CNTNAP4: variants seen among roughly 807,000 people sequenced by gnomAD.
CNTNAP4 encodes contactin-associated protein-like 4.
In CNTNAP4, 98 loss-of-function variants were observed where a neutral mutation model predicts 148.4. That is an observed-to-expected ratio of 0.66 (90% CI 0.56 to 0.78). The LOEUF (loss-of-function observed/expected upper bound fraction) is 0.78. CNTNAP4 is among the 30% of genes least tolerant of loss of function. The pLI is 0.00. For missense variants in CNTNAP4, 1,935 were observed against 1,565.6 expected, an observed-to-expected ratio of 1.24 and a Z score of -3.98; for synonymous variants, 730 against 565.1, an observed-to-expected ratio of 1.29 and a Z score of -4.14.
At chr16:76,408,231 C>G (rs1018994009) in intron 3 of CNTNAP4, among the ~76,000 whole-genome samples, 1 of 151,210 alleles carries the variant, frequency 6.6e-6, no homozygotes, top group Non-Finnish European at 1.5e-5. Context: ...AGTCTGGAAC[C>G]GAATCCACAG....
intron 3 of CNTNAP4, among the ~76,000 whole-genome samples, chr16:76,377,435 A>G (rs986522433): frequency 6.6e-6 from 1 of 152,124 alleles, no homozygotes; most frequent in Non-Finnish European, 1.5e-5. Context: ...AGTCGGAAAG[A>G]TTCAGTGGTC....
At position 76,384,278 on chromosome 16, in the gene CNTNAP4, G is replaced by C. The variant is rs1275378933; in HGVS notation, c.390+28767G>C. On this transcript the variant is annotated intron_variant, in intron 3 of 23. Transcript: ENST00000611870. The stretch of plus-strand genomic sequence containing the variant: ...AGGTTGGTCTTGAAATCCTGACCTT[G>C]TGATCCACCCACCTCGGCCTCCCAA... 2.0e-5 allele frequency among the ~76,000 whole-genome samples: 3 copies of C among 152,056 alleles called. No individual in the cohort carries two copies. The South Asian group carries it at 6.2e-4, about 31-fold the overall frequency.
chr16:76,458,837 A>C (rs1803760472), intron 8 of CNTNAP4, among the ~76,000 whole-genome samples: 1 of 152,234 alleles, frequency 6.6e-6, no homozygotes, highest in Non-Finnish European at 1.5e-5. Flanking sequence ...GTATAGACCC[A>C]GTAATGGGAT....
intron 1 of CNTNAP4, among the ~76,000 whole-genome samples, chr16:76,303,086 T>A (rs193300037): frequency 8.6e-4 from 131 of 152,304 alleles, no homozygotes; most frequent in Non-Finnish European, 1.4e-3. Flanking sequence ...CCAGCCAAAC[T>A]TTTTCCTTGC....
At chr16:76,343,555 G>C (rs1397575814) in intron 2 of CNTNAP4, among the ~76,000 whole-genome samples, 1 of 151,958 alleles carries the variant, frequency 6.6e-6, no homozygotes, top group Admixed American at 6.6e-5. Context: ...TTTAAATCTC[G>C]GGTTAGGAGA....
chr16:76,367,994 G>A (rs1220494272), intron 3 of CNTNAP4, among the ~76,000 whole-genome samples: 2 of 152,192 alleles, frequency 1.3e-5, no homozygotes, highest in Non-Finnish European at 2.9e-5. Context: ...CTGTCTAGAG[G>A]TGGGAGCCCA....
At chr16:76,396,730 T>A (rs1253678171) in intron 3 of CNTNAP4, among the ~76,000 whole-genome samples, 1 of 152,158 alleles carries the variant, frequency 6.6e-6, no homozygotes, top group Non-Finnish European at 1.5e-5. Flanking sequence ...CTACTGTGTA[T>A]CAGCCAGTGC....
At chr16:76,293,119 T>C (rs898737457) in intron 1 of CNTNAP4, among the ~76,000 whole-genome samples, 1 of 151,898 alleles carries the variant, frequency 6.6e-6, no homozygotes, top group Non-Finnish European at 1.5e-5. Context: ...ATATTTCTTT[T>C]TTCTTTCTTT....
chr16:76,462,799 G>A (rs1402434616), intron 9 of CNTNAP4, among the ~76,000 whole-genome samples: 3 of 152,182 alleles, frequency 2.0e-5, no homozygotes, highest in Non-Finnish European at 4.4e-5. Context: ...TTTTAAAACT[G>A]CCAGCAGTAA....
intron 10 of CNTNAP4, among the ~76,000 whole-genome samples, chr16:76,474,800 C>T (rs62050104): frequency 0.082 from 12,539 of 152,082 alleles, 750 homozygotes; most frequent in Non-Finnish European, 0.12. Flanking sequence ...AAAAGACTTT[C>T]GTAACACTAG....
Position 76,560,429 on chromosome 16 carries a change from T to C in CNTNAP4, c.*1746T>C, listed in dbSNP as rs2085369721. ...GGACCTATGTTGGTAGATGGTATAC[T>C]CTTTGTTTGATTGGAAGATCTATGG... On this transcript the variant is annotated 3_prime_UTR_variant, in exon 24 of 24. Coordinates refer to ENST00000611870, the MANE Select transcript of CNTNAP4 (RefSeq NM_033401.5). 1.3e-5 allele frequency among the ~76,000 whole-genome samples: 2 copies of C among 152,216 alleles called. No homozygotes were observed. Among genetic ancestry groups the C allele is most frequent in the Non-Finnish European group, 2.9e-5 (2 of 68,034 alleles).
At chr16:76,344,948 C>G (rs1030758119) in intron 2 of CNTNAP4, among the ~76,000 whole-genome samples, 1 of 152,240 alleles carries the variant, frequency 6.6e-6, no homozygotes, top group Non-Finnish European at 1.5e-5. Context: ...TTGCTAGTGA[C>G]TACCACAAGA....
At chr16:76,420,351 T>G (rs2079145997) in intron 3 of CNTNAP4, among the ~76,000 whole-genome samples, 1 of 151,710 alleles carries the variant, frequency 6.6e-6, no homozygotes, top group African/African-American at 2.4e-5. Flanking sequence ...GGACACTACA[T>G]AAGAAAAAAA....
chr16:76,302,982 G>C (rs919994180), intron 1 of CNTNAP4, among the ~76,000 whole-genome samples: 1 of 152,110 alleles, frequency 6.6e-6, no homozygotes, highest in African/African-American at 2.4e-5. Context: ...CCAGAGCTTA[G>C]AATGGTTATC....
At chr16:76,502,821 AAGTG>A (rs1375503561) in intron 15 of CNTNAP4, among the ~76,000 whole-genome samples, 2 of 152,114 alleles carry the variant, frequency 1.3e-5, no homozygotes, top group South Asian at 2.1e-4. Context: ...ACAGAAAAAA[AAGTG>A]AGAATGAAAA....
Position 76,522,184 on chromosome 16 carries a change from G to C in CNTNAP4, c.2682G>C (p.Gln894His), listed in dbSNP as rs777869768. Residue 894 changes from glutamine (Q) to histidine (H), a missense_variant, in exon 17 of 24, where the codon CAG (glutamine) becomes CAC (histidine). Transcript: ENST00000611870. ...AGGAGGCCTCCCTTCAAGTGGATCA[G>C]CTGACACCAAAGACACAGCCCGCCC... ...NMKEASLQVD[Q>H]LTPKTQPAPA... 2.5e-6 allele frequency: 4 copies of C among 1,613,948 alleles called. No homozygotes were observed. In the South Asian group the frequency reaches 4.4e-5, roughly 18 times the overall value.
At chr16:76,371,956 T>C (rs1237179685) in intron 3 of CNTNAP4, among the ~76,000 whole-genome samples, 2 of 152,208 alleles carry the variant, frequency 1.3e-5, no homozygotes, top group Admixed American at 6.5e-5. Context: ...CAATATTCAC[T>C]TAATCATCTC....
intron 3 of CNTNAP4, among the ~76,000 whole-genome samples, chr16:76,366,812 A>G (rs2014192286): frequency 6.6e-6 from 1 of 152,202 alleles, no homozygotes; most frequent in Non-Finnish European, 1.5e-5. Flanking sequence ...TGTACAAGAA[A>G]CAAAAAAAGA....
At chr16:76,379,967 C>T (rs182459297) in intron 3 of CNTNAP4, among the ~76,000 whole-genome samples, 1 of 152,176 alleles carries the variant, frequency 6.6e-6, no homozygotes, top group East Asian at 1.9e-4. Flanking sequence ...TCCTTGACTA[C>T]GAGTATTTTT....
Sources: gnomAD v4.1 joint callset for allele counts (sites outside exome capture counted in the v4.1 genomes callset) on GRCh38, gnomAD v4.1.1 for gene constraint, MANE v1.5 for transcripts, NCBI Gene and HGNC (gene_info 2026-07-23, HGNC 2026-07-21) for gene names.